ADGRL2: variants seen among roughly 807,000 people sequenced by gnomAD.
The protein encoded by ADGRL2 is calcium-independent alpha-latrotoxin receptor 2.
ADGRL2 carries 44 observed loss-of-function variants against 157.4 expected under a neutral mutation model. The observed-to-expected ratio is 0.28, with a 90% CI of 0.22 to 0.36. The LOEUF is 0.36. Among genes scored for constraint, ADGRL2 ranks in the 10% least tolerant of loss-of-function variants. The pLI is 1.00. For synonymous variants in ADGRL2, 585 were observed against 624.7 expected, an observed-to-expected ratio of 0.94 and a Z score of 0.95; for missense variants, 1,510 against 1,768.9, an observed-to-expected ratio of 0.85 and a Z score of 2.63.
Position 81,517,464 on chromosome 1 carries a change from C to CAAAA in ADGRL2, c.-247-63390_-247-63387dup, listed in dbSNP as rs397956551. On this transcript the variant is annotated intron_variant, in intron 2 of 24. Coordinates refer to the ADGRL2 transcript ENST00000370721. Reference sequence around the variant, plus strand: ...TGGGCGACAGAGCGAGACTCCCTCTCAAAAAAAAAAAAAAAAAAAAAAAAA... The same window carrying CAAAA: ...TGGGCGACAGAGCGAGACTCCCTCTCAAAAAAAAAAAAAAAAAAAAAAAAAAAAA... Among the ~76,000 whole-genome samples, 101 of 45,166 alleles carry CAAAA rather than the reference C, an allele frequency of 2.2e-3. 2 individuals are homozygous for CAAAA. The highest frequency in any genetic ancestry group is 6.5e-3 in the African/African-American group (80 of 12,286). 29.6% of individuals were successfully genotyped at this position (45,166 alleles called of 152,430 possible). A position where few individuals can be genotyped will look rare whatever the true frequency, so the allele number is the denominator to read the frequency against.
At position 81,675,875 on chromosome 1, in the gene ADGRL2, C is replaced by T. The variant is rs144086476; in HGVS notation, c.-142-85936C>T. On this transcript the variant is annotated intron_variant, in intron 3 of 24. Transcript: ENST00000370721. Reference sequence around the variant, plus strand: ...GATTACAGGCATGAGCCACTGTGCCCGGCAAATAAACAGTTTTAAGAAAAT... The same window carrying T: ...GATTACAGGCATGAGCCACTGTGCCTGGCAAATAAACAGTTTTAAGAAAAT... Among the ~76,000 whole-genome samples, 15 of 152,108 alleles carry T rather than the reference C, an allele frequency of 9.9e-5. No homozygotes were observed. In the East Asian group the frequency reaches 1.6e-3, roughly 16 times the overall value.
chr1:81,560,514 AAT>A (rs2080415668), intron 2 of ADGRL2, among the ~76,000 whole-genome samples: 1 of 152,198 alleles, frequency 6.6e-6, no homozygotes, highest in Non-Finnish European at 1.5e-5. Context: ...CTATTTTTAA[AAT>A]AGAGACTAAA....
chr1:81,944,881 C>T (rs773596660), intron 6 of ADGRL2, among the ~76,000 whole-genome samples: 1 of 151,946 alleles, frequency 6.6e-6, no homozygotes, highest in African/African-American at 2.4e-5. Context: ...TATTGTCATA[C>T]GGTCAGGACC....
At chr1:81,539,734 G>A (rs1292845090) in intron 2 of ADGRL2, among the ~76,000 whole-genome samples, 1 of 151,176 alleles carries the variant, frequency 6.6e-6, no homozygotes, top group Non-Finnish European at 1.5e-5. Flanking sequence ...CAATTTCTAC[G>A]ATTTCCATTT....
At chr1:81,970,905 G>A (rs1658536443) in intron 16 of ADGRL2, among the ~76,000 whole-genome samples, 1 of 152,122 alleles carries the variant, frequency 6.6e-6, no homozygotes, top group African/African-American at 2.4e-5. Context: ...CTCTCTTTGT[G>A]CAGCTGACCC....
intron 1 of ADGRL2, among the ~76,000 whole-genome samples, chr1:81,382,342 A>T (rs982792964): frequency 2.0e-5 from 3 of 152,104 alleles, no homozygotes; most frequent in Non-Finnish European, 4.4e-5. Flanking sequence ...TATTATTGAG[A>T]CTACTATTGC....
chr1:81,939,217 C>T (rs535095539), intron 4 of ADGRL2, among the ~76,000 whole-genome samples: 6 of 151,592 alleles, frequency 4.0e-5, no homozygotes, highest in African/African-American at 9.6e-5. Context: ...TATAAACAGG[C>T]GCATGCATTA....
chr1:81,491,478 G>T (rs1336743853), intron 2 of ADGRL2, among the ~76,000 whole-genome samples: 2 of 152,026 alleles, frequency 1.3e-5, no homozygotes, highest in African/African-American at 2.4e-5. Context: ...ATATTTGTAA[G>T]CCTAGAGATG....
chr1:81,545,696 C>T (rs1041130056), intron 2 of ADGRL2, among the ~76,000 whole-genome samples: 4 of 152,150 alleles, frequency 2.6e-5, no homozygotes, highest in Non-Finnish European at 5.9e-5. Flanking sequence ...TTATATAGAA[C>T]AGGAGACCAA....
intron 1 of ADGRL2, among the ~76,000 whole-genome samples, chr1:81,326,541 A>G (rs555811901): frequency 6.6e-6 from 1 of 152,364 alleles, no homozygotes; most frequent in East Asian, 1.9e-4. Flanking sequence ...ATTGATCTCT[A>G]GGACTCCAGT....
At chr1:81,987,201 T>G in intron 22 of ADGRL2, 172 bp downstream of exon 22, 2 of 1,330,838 alleles carry the variant, frequency 1.5e-6, no homozygotes, top group South Asian at 1.3e-5. Context: ...CTGCACTATA[T>G]TATAGTAAAA....
At chr1:81,966,985 AT>A (rs971764425) in intron 13 of ADGRL2, among the ~76,000 whole-genome samples, 8 of 152,018 alleles carry the variant, frequency 5.3e-5, no homozygotes, top group South Asian at 2.1e-4. Flanking sequence ...GTGTGGCAAA[AT>A]TTTTTTCATT....
At chr1:81,320,262 G>C (rs1660411734) in intron 1 of ADGRL2, among the ~76,000 whole-genome samples, 1 of 152,184 alleles carries the variant, frequency 6.6e-6, no homozygotes, top group African/African-American at 2.4e-5. Context: ...CACATCTAAA[G>C]TTACTTTCTC....
chr1:81,569,678 T>G (rs541055366), intron 2 of ADGRL2, among the ~76,000 whole-genome samples: 4 of 152,202 alleles, frequency 2.6e-5, no homozygotes, highest in African/African-American at 9.6e-5. Context: ...GGCATGGTGG[T>G]GCACATCTGT....
chr1:81,848,613 T>C (rs1251071001), intron 2 of ADGRL2, among the ~76,000 whole-genome samples: 1 of 152,000 alleles, frequency 6.6e-6, no homozygotes, highest in African/African-American at 2.4e-5. Context: ...TCAGTTTTCT[T>C]AATGTTTATT....
At chr1:81,705,221 T>G (rs969413152) in intron 1 of ADGRL2, among the ~76,000 whole-genome samples, 1 of 151,918 alleles carries the variant, frequency 6.6e-6, no homozygotes. Flanking sequence ...CCCACTAATT[T>G]TTGTATTTTT....
At chr1:81,647,147 A>G (rs1372916278) in intron 3 of ADGRL2, among the ~76,000 whole-genome samples, 1 of 152,222 alleles carries the variant, frequency 6.6e-6, no homozygotes, top group Non-Finnish European at 1.5e-5. Flanking sequence ...ATCTGAATCT[A>G]AAATCTAGGT....
At chr1:81,621,734 G>T (rs895678709) in intron 3 of ADGRL2, among the ~76,000 whole-genome samples, 1 of 152,072 alleles carries the variant, frequency 6.6e-6, no homozygotes, top group Non-Finnish European at 1.5e-5. Flanking sequence ...ATTCTTCATC[G>T]GCAGACCTGT....
At chr1:81,502,780 A>G in intron 2 of ADGRL2, 1 of 1,613,124 alleles carries the variant, frequency 6.2e-7, no homozygotes, top group South Asian at 1.1e-5. Flanking sequence ...GCCCAGCTAC[A>G]GCTCCTCCCT....
Sources: gnomAD v4.1 joint callset for allele counts (sites outside exome capture counted in the v4.1 genomes callset) on GRCh38, gnomAD v4.1.1 for gene constraint, MANE v1.5 for transcripts, NCBI Gene and HGNC (gene_info 2026-07-23, HGNC 2026-07-21) for gene names.